CBFA2T3: variants seen among roughly 807,000 people sequenced by gnomAD.
CBFA2T3 encodes CBFA2/RUNX1 partner transcriptional co-repressor 3.
In CBFA2T3, 31 loss-of-function variants were observed where a neutral mutation model predicts 58.6. The observed-to-expected ratio is 0.53, with a 90% CI of 0.40 to 0.71. The LOEUF is 0.71. CBFA2T3 is among the 30% of genes least tolerant of loss of function. CBFA2T3 has a pLI of 0.00. For synonymous variants in CBFA2T3, 531 were observed against 421.9 expected (o/e 1.26, Z -3.17); for missense variants, 1,076 against 963.1 (o/e 1.12, Z -1.55).
Position 88,885,603 on chromosome 16 carries a change from C to T in CBFA2T3, c.894-334G>A. 1 of 407,526 alleles carries T rather than the reference C, an allele frequency of 2.5e-6. No individual in the cohort carries two copies. The highest frequency in any genetic ancestry group is 4.4e-6 in the Non-Finnish European group (1 of 226,096). The allele number at this position is 407,526 out of a possible 1,614,324, so 25.2% of individuals were successfully genotyped here. A position where few individuals can be genotyped will look rare whatever the true frequency, so the allele number is the denominator to read the frequency against. On this transcript the variant is annotated intron_variant, in intron 6 of 11. Coordinates refer to ENST00000268679, the MANE Select transcript of CBFA2T3 (RefSeq NM_005187.6). The surrounding 1 kb of genome is among the most constrained non-coding windows in gnomAD (Gnocchi z 5.3). ...TGGAGACCACCTGCCCCTTGGGCAGCAGCAGCACAAGAGCGTCTGGGGCAG... is the reference window on the plus strand; with the variant it reads ...TGGAGACCACCTGCCCCTTGGGCAGTAGCAGCACAAGAGCGTCTGGGGCAG...
rs765456990 is a variant in CBFA2T3, at chr16:88,958,313, G to A, written c.151+18344C>T. 2.0e-5 allele frequency among the ~76,000 whole-genome samples: 3 copies of A among 151,904 alleles called. No individual in the cohort carries two copies. The East Asian group carries it at 5.8e-4, about 29-fold the overall frequency. ...AAAAAGCTATTTTGAGCCTAAAATAGCTTCAAGAGCCCAAAGCTCCCAGGG... is the reference window on the plus strand; with the variant it reads ...AAAAAGCTATTTTGAGCCTAAAATAACTTCAAGAGCCCAAAGCTCCCAGGG... On this transcript the variant is annotated intron_variant, in intron 1 of 11. Transcript: ENST00000268679. This position sits in a 1 kb window ranked among gnomAD's most constrained non-coding sequence, Gnocchi z 4.0.
chr16:88,921,528 C>G (rs887037985), intron 1 of CBFA2T3, among the ~76,000 whole-genome samples: 2 of 152,116 alleles, frequency 1.3e-5, no homozygotes, highest in Non-Finnish European at 2.9e-5. Context: ...GGGGTCCAGC[C>G]CCTGCCCCTC....
chr16:88,949,173 ACT>A (rs986819837), intron 1 of CBFA2T3, among the ~76,000 whole-genome samples: 47 of 152,306 alleles, frequency 3.1e-4, no homozygotes, highest in African/African-American at 1.1e-3. Flanking sequence ...CAGCCGAGAA[ACT>A]CTGAAAAAAT....
At chr16:88,927,235 A>G (rs368635787) in intron 1 of CBFA2T3, among the ~76,000 whole-genome samples, 3 of 152,190 alleles carry the variant, frequency 2.0e-5, no homozygotes, top group South Asian at 4.1e-4. Flanking sequence ...CAGAGATGTC[A>G]GCGTCAAGGC....
At chr16:88,889,148 AAAG>A (rs1969520315) in intron 5 of CBFA2T3, among the ~76,000 whole-genome samples, 1 of 151,668 alleles carries the variant, frequency 6.6e-6, no homozygotes. Context: ...CAGCAAGTTA[AAAG>A]AAGGGAAGGG....
intron 1 of CBFA2T3, among the ~76,000 whole-genome samples, chr16:88,936,522 C>T (rs1436917729): frequency 4.6e-5 from 7 of 151,792 alleles, no homozygotes; most frequent in African/African-American, 9.7e-5. Context: ...GTATCCACCA[C>T]GACCTCAGCC....
intron 1 of CBFA2T3, among the ~76,000 whole-genome samples, chr16:88,964,763 TCATC>T (rs1597796011): frequency 6.7e-6 from 1 of 148,160 alleles, no homozygotes; most frequent in Non-Finnish European, 1.5e-5. Flanking sequence ...ATCCACCCAC[TCATC>T]CATCCATCCA....
chr16:88,901,977 C>A (rs1033465230), intron 1 of CBFA2T3, among the ~76,000 whole-genome samples: 2 of 152,186 alleles, frequency 1.3e-5, no homozygotes, highest in African/African-American at 4.8e-5. Context: ...GGGCAGTGCC[C>A]CGAGGCAGCG....
chr16:88,968,668 G>C (rs1039277771), intron 1 of CBFA2T3, among the ~76,000 whole-genome samples: 6 of 152,242 alleles, frequency 3.9e-5, no homozygotes, highest in African/African-American at 1.2e-4. Flanking sequence ...CAGTCCGTCT[G>C]TCTGGGGCTG....
chr16:88,883,722 C>T (rs1969234733), intron 7 of CBFA2T3: 1 of 149,418 alleles, frequency 6.7e-6, no homozygotes, highest in Non-Finnish European at 1.5e-5. Context: ...GGTGGCTGCG[C>T]CCACGGGAGA....
chr16:88,974,651 C>A (rs564366072), intron 1 of CBFA2T3, among the ~76,000 whole-genome samples: 1 of 152,204 alleles, frequency 6.6e-6, no homozygotes, highest in Non-Finnish European at 1.5e-5. Context: ...TAAAGCCAAT[C>A]GGCCTGTTTT....
At position 88,970,387 on chromosome 16, in the gene CBFA2T3, G is replaced by A. The variant is rs150424007; in HGVS notation, c.151+6270C>T. Among the ~76,000 whole-genome samples the A allele has an allele frequency of 8.0e-4, 122 of 152,308 alleles. 3 individuals are homozygous for A. The East Asian group carries it at 0.02, about 25-fold the overall frequency. ...TCGTCTCAGAGCAGGGCGTGCAGTG[G>A]GGTCCCTCTCCTGAGATGCGACCTC... is the stretch of plus-strand genomic sequence containing the variant. On this transcript the variant is annotated intron_variant, in intron 1 of 11. Transcript: ENST00000268679.
intron 1 of CBFA2T3, among the ~76,000 whole-genome samples, chr16:88,926,842 C>A (rs1249897426): frequency 6.6e-6 from 1 of 152,244 alleles, no homozygotes; most frequent in African/African-American, 2.4e-5. Flanking sequence ...GCCTTCCGTG[C>A]CTGTCCCTTG....
chr16:88,889,271 G>A (rs189282722), intron 5 of CBFA2T3, among the ~76,000 whole-genome samples: 1 of 148,316 alleles, frequency 6.7e-6, no homozygotes, highest in Non-Finnish European at 1.5e-5. Flanking sequence ...GGGCGTGGGA[G>A]GGGGCGGAGG....
intron 1 of CBFA2T3, among the ~76,000 whole-genome samples, chr16:88,965,523 A>G (rs1345447580): frequency 6.6e-6 from 1 of 152,210 alleles, no homozygotes; most frequent in Non-Finnish European, 1.5e-5. Context: ...TGCTTCTACA[A>G]CCCAGGGGGC....
chr16:88,969,214 C>T (rs960212891), intron 1 of CBFA2T3, among the ~76,000 whole-genome samples: 1 of 152,182 alleles, frequency 6.6e-6, no homozygotes, highest in East Asian at 1.9e-4. Context: ...GTTGCAAGGT[C>T]CCCTCCCCCA....
At chr16:88,878,986 C>T (rs1268228354) in intron 11 of CBFA2T3, among the ~76,000 whole-genome samples, 2 of 152,212 alleles carry the variant, frequency 1.3e-5, no homozygotes, top group Non-Finnish European at 2.9e-5. Flanking sequence ...CGAGTCCTGG[C>T]CCCACCGCTT....
At chr16:88,882,578 G>GTGGCTGTGTGTGCA (rs368767059) in intron 8 of CBFA2T3, 98 bp downstream of exon 8, 7 of 428,900 alleles carry the variant, frequency 1.6e-5, no homozygotes, top group Admixed American at 4.6e-5. Flanking sequence ...GGCTGTGGGC[G>GTGGCTGTGTGTGCA]TGGCTGTGTG....
intron 1 of CBFA2T3, chr16:88,941,005 G>T: frequency 2.0e-6 from 2 of 976,514 alleles, no homozygotes; most frequent in South Asian, 4.6e-5. Context: ...CGCGCGGGGC[G>T]GACACGGCAC....
Sources: allele counts gnomAD v4.1 joint callset (sites outside exome capture counted in the v4.1 genomes callset), GRCh38; gene constraint gnomAD v4.1.1; non-coding constraint Gnocchi (gnomAD v3.1); transcripts MANE v1.5; gene names NCBI Gene and HGNC (gene_info 2026-07-23, HGNC 2026-07-21).